The following ARHGAP15 variants were observed in gnomAD, a reference collection of about 807,000 sequenced individuals.
The protein encoded by ARHGAP15 is rho GTPase-activating protein 15.
Under a neutral mutation model 63.7 loss-of-function variants are expected in ARHGAP15, and 51 were observed. The ratio of observed to expected loss-of-function variants is 0.80; its 90% CI spans 0.64 to 1.01. The LOEUF (loss-of-function observed/expected upper bound fraction) is 1.01. Among genes scored for constraint, ARHGAP15 ranks in the 50% least tolerant of loss-of-function variants. ARHGAP15 has a pLI of 0.00. For synonymous variants in ARHGAP15, 191 were observed against 193.8 expected (o/e 0.99, Z 0.12); for missense variants, 560 against 564.6 (o/e 0.99, Z 0.08).
At chr2:143,413,972 C>T (rs1248635931) in intron 6 of ARHGAP15, among the ~76,000 whole-genome samples, 2 of 63,790 alleles carry the variant, frequency 3.1e-5, no homozygotes, top group Non-Finnish European at 5.6e-5. Context: ...TGTGTGCGCG[C>T]TCTCTGGCAG....
chr2:143,147,137 C>T (rs1451067288), intron 1 of ARHGAP15, among the ~76,000 whole-genome samples: 2 of 151,968 alleles, frequency 1.3e-5, no homozygotes, highest in African/African-American at 4.8e-5. Context: ...GAGACAATCG[C>T]AGGTTAAAAT....
intron 10 of ARHGAP15, among the ~76,000 whole-genome samples, chr2:143,550,495 G>A (rs145380397): frequency 1.2e-3 from 178 of 152,296 alleles, no homozygotes; most frequent in African/African-American, 4.2e-3. Context: ...CACCAGCCAC[G>A]TGTGGTTAAG....
intron 2 of ARHGAP15, among the ~76,000 whole-genome samples, chr2:143,184,831 C>A (rs2105076797): frequency 6.6e-6 from 1 of 150,392 alleles, no homozygotes; most frequent in Middle Eastern, 3.4e-3. Context: ...CACCACGATG[C>A]CCAGCTTTTT....
intron 2 of ARHGAP15, among the ~76,000 whole-genome samples, chr2:143,156,034 GA>G (rs5834938): frequency 0.68 from 99,373 of 145,954 alleles, 33,771 homozygotes; most frequent in South Asian, 0.83. Context: ...AATGAATTGA[GA>G]AAAAAAAAAA....
rs1017052663 is a variant in ARHGAP15, at chr2:143,527,368, G to A, written c.925+8004G>A. ...GGGAGGTTATCTTATAGACGAGTAG[G>A]CTATACAGTTAAAGATGTTTTTCTT... On this transcript the variant is annotated intron_variant, in intron 10 of 13. Transcript: ENST00000295095. 3.3e-5 allele frequency among the ~76,000 whole-genome samples: 5 copies of A among 151,890 alleles called. No homozygotes were observed. The South Asian group carries it at 1.0e-3, about 32-fold the overall frequency.
chr2:143,642,653 G>A (rs1680661908), intron 12 of ARHGAP15, among the ~76,000 whole-genome samples: 1 of 152,088 alleles, frequency 6.6e-6, no homozygotes, highest in Non-Finnish European at 1.5e-5. Context: ...CCCTGAACTA[G>A]AGAAGAACAT....
chr2:143,734,485 C>T (rs1685668049), intron 13 of ARHGAP15, among the ~76,000 whole-genome samples: 2 of 152,168 alleles, frequency 1.3e-5, no homozygotes, highest in Admixed American at 1.3e-4. Context: ...CATAAATCCC[C>T]CTTTGTTCCC....
chr2:143,597,266 A>T (rs1173472760), intron 11 of ARHGAP15, among the ~76,000 whole-genome samples: 1 of 151,900 alleles, frequency 6.6e-6, no homozygotes, highest in Non-Finnish European at 1.5e-5. Flanking sequence ...TATTATAATA[A>T]AGAAATAAAA....
At chr2:143,475,772 A>C (rs1691787648) in intron 8 of ARHGAP15, among the ~76,000 whole-genome samples, 1 of 152,250 alleles carries the variant, frequency 6.6e-6, no homozygotes, top group Non-Finnish European at 1.5e-5. Flanking sequence ...GACCCAAAGG[A>C]ATCCTTATTT....
chr2:143,135,275 A>G (rs1689091756), intron 1 of ARHGAP15, among the ~76,000 whole-genome samples: 1 of 152,214 alleles, frequency 6.6e-6, no homozygotes, highest in Non-Finnish European at 1.5e-5. Flanking sequence ...CATGTCAAAA[A>G]CTAGACAGAA....
chr2:143,153,590 A>C (rs1170208217), intron 1 of ARHGAP15, among the ~76,000 whole-genome samples: 3 of 151,924 alleles, frequency 2.0e-5, no homozygotes, highest in African/African-American at 7.2e-5. Flanking sequence ...CATTTTTAAC[A>C]TGTGTAAATG....
intron 8 of ARHGAP15, among the ~76,000 whole-genome samples, chr2:143,458,802 G>C (rs1690780902): frequency 6.6e-6 from 1 of 152,124 alleles, no homozygotes; most frequent in African/African-American, 2.4e-5. Flanking sequence ...TGCCAAAATA[G>C]AGCAATTTTT....
intron 9 of ARHGAP15, among the ~76,000 whole-genome samples, chr2:143,494,370 C>T (rs1692722625): frequency 6.6e-6 from 1 of 152,116 alleles, no homozygotes; most frequent in Admixed American, 6.5e-5. Context: ...TTGCACATCT[C>T]ATTTCTCACA....
intron 13 of ARHGAP15, among the ~76,000 whole-genome samples, chr2:143,734,067 C>T (rs1685651930): frequency 6.6e-6 from 1 of 152,192 alleles, no homozygotes; most frequent in East Asian, 1.9e-4. Context: ...TTTTGTGAAG[C>T]ATCCAGTCTA....
intron 6 of ARHGAP15, among the ~76,000 whole-genome samples, chr2:143,379,587 A>C (rs1348851101): frequency 6.6e-6 from 1 of 150,990 alleles, no homozygotes; most frequent in African/African-American, 2.4e-5. Flanking sequence ...TTCTCTCTTT[A>C]GTTTCCTGAA....
Position 143,405,270 on chromosome 2 carries a change from G to GT in ARHGAP15, c.475-30321dup, listed in dbSNP as rs34886734. 1.3e-4 allele frequency among the ~76,000 whole-genome samples: 19 copies of GT among 150,050 alleles called. 1 individual carries two copies. Among genetic ancestry groups the GT allele is most frequent in the East Asian group, 5.9e-4 (3 of 5,062 alleles). ...ATAAATAAATGCTTATAAGCCAGGT[G>GT]TTTTTTTTTTCTGCTTTTGCTTTTG... On this transcript the variant is annotated intron_variant, in intron 6 of 13. Coordinates refer to ENST00000295095, the MANE Select transcript of ARHGAP15 (RefSeq NM_018460.4).
intron 12 of ARHGAP15, among the ~76,000 whole-genome samples, chr2:143,659,652 G>A (rs1435763186): frequency 1.3e-5 from 2 of 152,172 alleles, no homozygotes; most frequent in Non-Finnish European, 2.9e-5. Context: ...CGCCCTAGGG[G>A]CTAGTGGAGA....
chr2:143,356,734 T>TA (rs979490416), intron 6 of ARHGAP15, among the ~76,000 whole-genome samples: 3 of 152,234 alleles, frequency 2.0e-5, no homozygotes, highest in African/African-American at 7.2e-5. Context: ...GAGTTAATTT[T>TA]AAAAAAATCC....
rs1228207710 is a variant in ARHGAP15 at position 143,379,534 on chromosome 2, TGAGA to T, written c.475-56058_475-56055del. On this transcript the variant is annotated intron_variant, in intron 6 of 13. Transcript: ENST00000295095. Reference sequence around the variant, plus strand: ...GTGTGTGTGTGTGTGTGTGTGTGTATGAGAGAGAGAGAATCAGCTTCATCATGGT... The same window carrying T: ...GTGTGTGTGTGTGTGTGTGTGTGTATGAGAGAGAATCAGCTTCATCATGGT... Among the ~76,000 whole-genome samples the T allele has an allele frequency of 3.8e-4, 51 of 134,448 alleles. 1 individual carries two copies. The South Asian group carries it at 4.3e-3, about 11-fold the overall frequency. 88.2% of individuals were successfully genotyped at this position (134,448 alleles called of 152,430 possible).
Sources: gnomAD v4.1 joint callset for allele counts (sites outside exome capture counted in the v4.1 genomes callset) on GRCh38, gnomAD v4.1.1 for gene constraint, MANE v1.5 for transcripts, NCBI Gene and HGNC (gene_info 2026-07-23, HGNC 2026-07-21) for gene names.